MIA2: variants seen among roughly 807,000 people sequenced by gnomAD.
MIA2 encodes the protein MIA SH3 domain ER export factor 2.
In MIA2, 127 loss-of-function variants were observed where a neutral mutation model predicts 167.8. That is an observed-to-expected ratio of 0.76 (90% confidence interval 0.66 to 0.88). MIA2 has a LOEUF of 0.88. Ranked by LOEUF, MIA2 falls within the 40% of genes least tolerant of loss-of-function variation. The pLI, the probability that MIA2 is intolerant of heterozygous loss-of-function variation, is 0.00. For synonymous variants in MIA2, 552 were observed against 541.9 expected, an observed-to-expected ratio of 1.02 and a Z score of -0.26; for missense variants, 1,690 against 1,624.7, an observed-to-expected ratio of 1.04 and a Z score of -0.69.
chr14:39,256,237 C>T (rs900896363), intron 6 of MIA2, among the ~76,000 whole-genome samples: 3 of 152,138 alleles, frequency 2.0e-5, no homozygotes, highest in African/African-American at 7.2e-5. Context: ...AGTTCATAAT[C>T]TTCAGGCTAA....
chr14:39,252,690 G>A, intron 4 of MIA2, 58 bp from the exon 5 acceptor site: 2 of 1,328,520 alleles, frequency 1.5e-6, no homozygotes, highest in Non-Finnish European at 1.0e-6. Flanking sequence ...AAACAAAAGG[G>A]GAGCCCTCAA....
intron 4 of MIA2, among the ~76,000 whole-genome samples, chr14:39,250,475 T>A (rs985383139): frequency 1.3e-5 from 2 of 151,840 alleles, no homozygotes; most frequent in African/African-American, 4.8e-5. Flanking sequence ...GCAGGCAGAT[T>A]ACTTGAAGTC....
chr14:39,308,323 TTC>T (rs1357005696), intron 17 of MIA2, 124 bp from the exon 18 acceptor site: 5 of 597,526 alleles, frequency 8.4e-6, no homozygotes, highest in Admixed American at 4.0e-5. Context: ...CTTATAGATT[TTC>T]TGTTATTGGA....
chr14:39,247,079 T>G lies in MIA2; in HGVS notation c.505T>G (p.Tyr169Asp), dbSNP rs1272174788. 2 of 1,607,448 alleles carry G rather than the reference T, an allele frequency of 1.2e-6. No homozygotes were observed. Among genetic ancestry groups the G allele is most frequent in the Admixed American group, 3.4e-5 (2 of 58,158 alleles). ...FQIEPGFYATYESTLFEDQVP... is the reference protein window; with the variant it reads ...FQIEPGFYATDESTLFEDQVP... ...GATAGAACCTGGATTTTATGCAACT[T>G]ATGAAAGTACTTTGTTTGAAGACCA... The change falls in exon 4 of 29, where the codon TAT (tyrosine) becomes GAT (aspartate). Residue 169 changes from tyrosine (Y) to aspartate (D), a missense_variant. Coordinates refer to ENST00000640607, the MANE Select transcript of MIA2 (RefSeq NM_001329214.4).
chr14:39,243,853 G>C lies in MIA2; in HGVS notation c.337-3058G>C, dbSNP rs8011402. ...TGCACTCCAGACTGGGCAACAGAAC[G>C]AGACTCCATCTCAAAAAACAAACAG... is the stretch of plus-strand genomic sequence containing the variant. On this transcript the variant is annotated intron_variant, in intron 3 of 28. Transcript: ENST00000640607. Among the ~76,000 whole-genome samples the C allele has an allele frequency of 4.3e-3, 656 of 152,252 alleles. 4 individuals carry two copies. Among genetic ancestry groups the C allele is most frequent in the African/African-American group, 0.015 (624 of 41,540 alleles).
At chr14:39,257,287 T>C (rs1041321254) in intron 6 of MIA2, among the ~76,000 whole-genome samples, 2 of 152,234 alleles carry the variant, frequency 1.3e-5, no homozygotes, top group African/African-American at 4.8e-5. Context: ...GGTGCATATA[T>C]ATTTAGGATA....
intron 6 of MIA2, among the ~76,000 whole-genome samples, chr14:39,255,458 A>T (rs780021025): frequency 6.6e-6 from 1 of 152,226 alleles, no homozygotes; most frequent in Non-Finnish European, 1.5e-5. Flanking sequence ...CAGTGAGCCA[A>T]GATCATGCCA....
rs533598385 is a variant in MIA2 at position 39,341,175 on chromosome 14, G to A, written c.3656-4729G>A. ...AAATTAGCCGGGTGTGGTGGCACGC[G>A]CCTGTAGTCCCAGCTGCTCGGGAGG... On this transcript the variant is annotated intron_variant, in intron 25 of 28. Coordinates refer to ENST00000640607, the MANE Select transcript of MIA2 (RefSeq NM_001329214.4). Among the ~76,000 whole-genome samples the A allele has an allele frequency of 5.9e-4, 90 of 152,110 alleles. 1 individual carries two copies. The highest frequency in any genetic ancestry group is 1.9e-3 in the African/African-American group (78 of 41,500).
chr14:39,380,476 C>T (rs905489113), intron 23 of MIA2, among the ~76,000 whole-genome samples: 3 of 151,960 alleles, frequency 2.0e-5, no homozygotes, highest in African/African-American at 7.2e-5. Flanking sequence ...GGGCAGATCA[C>T]GAGGTCAAGA....
chr14:39,244,542 A>G (rs1234712248), intron 3 of MIA2, among the ~76,000 whole-genome samples: 1 of 152,192 alleles, frequency 6.6e-6, no homozygotes, highest in African/African-American at 2.4e-5. Context: ...TGCCAAGTAT[A>G]TATTGTAAAA....
At chr14:39,373,363 G>A (rs896673479) in intron 23 of MIA2, among the ~76,000 whole-genome samples, 1 of 147,942 alleles carries the variant, frequency 6.8e-6, no homozygotes, top group African/African-American at 2.5e-5. Context: ...TAATAGTCTG[G>A]AAAATTAGCA....
intron 24 of MIA2, among the ~76,000 whole-genome samples, chr14:39,322,936 G>A (rs1293710487): frequency 1.3e-5 from 2 of 152,086 alleles, no homozygotes; most frequent in African/African-American, 4.8e-5. Flanking sequence ...TTTGAGATAG[G>A]AACATAAAGT....
intron 6 of MIA2, among the ~76,000 whole-genome samples, chr14:39,261,250 T>G (rs987662991): frequency 7.2e-5 from 11 of 152,168 alleles, no homozygotes; most frequent in African/African-American, 2.7e-4. Flanking sequence ...TTTGGTTTTT[T>G]GTTCTTGCGA....
intron 6 of MIA2, among the ~76,000 whole-genome samples, chr14:39,261,135 C>T (rs1836821069): frequency 2.6e-5 from 4 of 152,154 alleles, no homozygotes; most frequent in East Asian, 1.9e-4. Flanking sequence ...GCTTTTCCCT[C>T]CCCCTCCCCT....
At chr14:39,280,395 G>C (rs1291636362) in intron 9 of MIA2, among the ~76,000 whole-genome samples, 2 of 151,854 alleles carry the variant, frequency 1.3e-5, no homozygotes, top group Non-Finnish European at 2.9e-5. Context: ...TAGTGGAATT[G>C]GTAAGTCATT....
Position 39,301,019 on chromosome 14 carries a change from CACACAT to C in MIA2, c.2619+1035_2619+1040del, listed in dbSNP as rs2062383587. 6.4e-5 allele frequency among the ~76,000 whole-genome samples: 9 copies of C among 141,496 alleles called. No individual in the cohort carries two copies. In the South Asian group the frequency reaches 2.0e-3, roughly 31 times the overall value. The allele number at this position is 141,496 out of a possible 152,430, so 92.8% of individuals were successfully genotyped here. On this transcript the variant is annotated intron_variant, in intron 14 of 28. Transcript: ENST00000640607. Reference sequence around the variant, plus strand: ...ATATATACATATATACACATATATACACACATATATACATATACATACACACACACA... The same window carrying C: ...ATATATACATATATACACATATATACATATACATATACATACACACACACA...
intron 3 of MIA2, 120 bp downstream of exon 3, chr14:39,240,767 C>A: frequency 3.4e-6 from 2 of 596,032 alleles, no homozygotes; most frequent in Non-Finnish European, 5.8e-6. Flanking sequence ...AAATAGTTGG[C>A]CTGAGAACTT....
chr14:39,341,277 G>C (rs555765929), intron 25 of MIA2, among the ~76,000 whole-genome samples: 1 of 152,056 alleles, frequency 6.6e-6, no homozygotes, highest in East Asian at 1.9e-4. Flanking sequence ...ACTCCAGCCT[G>C]GGCAACAGAG....
At chr14:39,359,898 A>C (rs1246523841) in intron 23 of MIA2, among the ~76,000 whole-genome samples, 1 of 152,160 alleles carries the variant, frequency 6.6e-6, no homozygotes, top group Non-Finnish European at 1.5e-5. Context: ...GTTTTCTGAG[A>C]AATCTCCATA....
Sources: allele counts gnomAD v4.1 joint callset (sites outside exome capture counted in the v4.1 genomes callset), GRCh38; gene constraint gnomAD v4.1.1; transcripts MANE v1.5; gene names NCBI Gene and HGNC (gene_info 2026-07-23, HGNC 2026-07-21).